The following CHAF1A variants were observed in gnomAD, a reference collection of about 807,000 sequenced individuals.
CHAF1A encodes the protein CAF-1 subunit A.
In CHAF1A, 5 loss-of-function variants were observed where a neutral mutation model predicts 93.2. That is an observed-to-expected ratio of 0.05 (90% CI 0.03 to 0.11). The LOEUF (loss-of-function observed/expected upper bound fraction) is 0.11, where lower values mean the gene tolerates loss of function less well. CHAF1A is among the 10% of genes least tolerant of loss of function. The pLI is 1.00. For missense variants in CHAF1A, 1,102 were observed against 1,259.9 expected (o/e 0.87, Z 1.90); for synonymous variants, 504 against 510.3 (o/e 0.99, Z 0.17).
chr19:4,422,716 C>T lies in CHAF1A; in HGVS notation c.1168C>T (p.Arg390Trp). Residue 390 changes from arginine (R) to tryptophan (W), a missense_variant, in exon 5 of 15, where the codon CGG becomes TGG. Physicochemically the swap from Arg to Trp is moderately radical, Grantham distance 101. This residue lies in a region of CHAF1A where 165 missense variants were observed against 243.9 expected (regional missense o/e 0.68). Transcript: ENST00000301280. This position sits in a 1 kb window ranked among gnomAD's most constrained non-coding sequence, Gnocchi z 4.6. The stretch of plus-strand genomic sequence containing the variant: ...TAAGGAAAAGGAGAGGCGGGAGAAG[C>T]GGGAGAAGGATGAGAAGGAGAAGGC... ...ELKEKERREK[R>W]EKDEKEKAEK... The T allele has an allele frequency of 1.2e-6, 2 of 1,608,930 alleles. No homozygotes were observed. The highest frequency in any genetic ancestry group is 1.7e-6 in the Non-Finnish European group (2 of 1,177,598).
In CHAF1A at chr19:4,402,771, G is replaced by A. The variant is rs1973606335; in HGVS notation, c.9G>A (p.Glu3=). The A allele has an allele frequency of 8.3e-7, 1 of 1,204,740 alleles. No homozygotes were observed. The highest frequency in any genetic ancestry group is 1.0e-6 in the Non-Finnish European group (1 of 970,418). 74.6% of individuals were successfully genotyped at this position (1,204,740 alleles called of 1,614,324 possible). ...GAGCTGCCGCCGGGGCGATGCTGGA[G>A]GAGCTGGAGTGCGGGGCGCCCGGCG... ML[E]ELECGAPGAR... Residue 3 remains glutamate, a synonymous_variant, in exon 1 of 15, where the codon GAG becomes GAA. Coordinates refer to ENST00000301280, the MANE Select transcript of CHAF1A (RefSeq NM_005483.3).
chr19:4,439,304 A>G (rs1052987361), intron 13 of CHAF1A, among the ~76,000 whole-genome samples: 4 of 151,876 alleles, frequency 2.6e-5, no homozygotes, highest in African/African-American at 9.6e-5. Context: ...AAAGACAAAA[A>G]GGCACAAATG....
In CHAF1A at chr19:4,418,032, T is replaced by C. The variant is rs149123603; in HGVS notation, c.973T>C (p.Phe325Leu). 1.9e-6 allele frequency: 3 copies of C among 1,603,118 alleles called. No individual in the cohort carries two copies. Among genetic ancestry groups the C allele is most frequent in the African/African-American group, 1.3e-5 (1 of 74,538 alleles). ...STPLRRITKKFVKGSTEKNKL... is the reference protein window; with the variant it reads ...STPLRRITKKLVKGSTEKNKL... ...CTTCTGTTTTCAGATAACTAAGAAA[T>C]TCGTCAAAGGCTCTACAGAGAAGAA... is the stretch of plus-strand genomic sequence containing the variant. Residue 325 changes from phenylalanine to leucine, a missense_variant, in exon 4 of 15, where the codon TTC becomes CTC. Around this residue, in one of 6 missense-constraint regions of CHAF1A, gnomAD observed 379 missense variants for 365.7 expected, o/e 1.04. Coordinates refer to ENST00000301280, the MANE Select transcript of CHAF1A (RefSeq NM_005483.3).
chr19:4,448,391 C>A (rs369398559), downstream of CHAF1A: 5 of 1,592,212 alleles, frequency 3.1e-6, no homozygotes, highest in South Asian at 3.4e-5. Context: ...ATGATGGAGG[C>A]GGCCACTGGG....
At chr19:4,411,980 T>C (rs893316193) in intron 3 of CHAF1A, among the ~76,000 whole-genome samples, 1 of 152,122 alleles carries the variant, frequency 6.6e-6, no homozygotes, top group Non-Finnish European at 1.5e-5. Flanking sequence ...TGGTTTGTTA[T>C]ATAGGTAAAC....
At chr19:4,430,513 CT>C (rs1359929275) in intron 10 of CHAF1A, 35 bp from the exon 11 acceptor site, 1 of 1,436,902 alleles carries the variant, frequency 7.0e-7, no homozygotes, top group Non-Finnish European at 9.8e-7. Flanking sequence ...CTCTGCTTTT[CT>C]ATCTGATGAA....
rs1326379353 is a variant in CHAF1A, at chr19:4,442,417, G to C, written c.2770+76G>C. The C allele has an allele frequency of 2.4e-6, 3 of 1,235,796 alleles. No homozygotes were observed. The East Asian group carries it at 7.6e-5, about 31-fold the overall frequency. 76.6% of individuals were successfully genotyped at this position (1,235,796 alleles called of 1,614,324 possible). A position where few individuals can be genotyped will look rare whatever the true frequency, so the allele number is the denominator to read the frequency against. On this transcript the variant is annotated intron_variant, in intron 14 of 14. Coordinates refer to ENST00000301280, the MANE Select transcript of CHAF1A (RefSeq NM_005483.3). ...GTAAACCTCAACAGAGAAGGGATGG[G>C]GCTGCCTAAGACTAGCTCCACTGTG...
intron 13 of CHAF1A, among the ~76,000 whole-genome samples, chr19:4,435,678 T>C (rs1449283450): frequency 2.0e-5 from 3 of 152,070 alleles, no homozygotes; most frequent in Non-Finnish European, 4.4e-5. Context: ...CTCCCTGAGT[T>C]TGATTTCTAA....
chr19:4,406,616 G>A (rs1015749909), intron 2 of CHAF1A, among the ~76,000 whole-genome samples: 4 of 152,010 alleles, frequency 2.6e-5, no homozygotes, highest in East Asian at 1.9e-4. Flanking sequence ...TCTATTTTTA[G>A]TAGAGATGGG....
At chr19:4,421,264 G>A (rs1973986414) in intron 4 of CHAF1A, among the ~76,000 whole-genome samples, 1 of 151,824 alleles carries the variant, frequency 6.6e-6, no homozygotes, top group Non-Finnish European at 1.5e-5. Flanking sequence ...GGTAGACTTG[G>A]GGTTTCACCT....
downstream of CHAF1A, chr19:4,446,885 A>G (rs766893069): frequency 1.2e-6 from 2 of 1,613,854 alleles, no homozygotes; most frequent in East Asian, 4.5e-5. Flanking sequence ...TGGCCTCAAA[A>G]AACTCGTGGG....
At chr19:4,447,030 C>T, downstream of CHAF1A, 2 of 1,117,222 alleles carry the variant, frequency 1.8e-6, no homozygotes, top group Non-Finnish European at 2.6e-6. Flanking sequence ...GCTGTCGACC[C>T]CTGGATGGGG....
chr19:4,429,160 G>A (rs1474304167), intron 8 of CHAF1A: 4 of 587,780 alleles, frequency 6.8e-6, no homozygotes, highest in South Asian at 2.1e-5. Flanking sequence ...CCAACACCTC[G>A]CTCTTGCAAA....
intron 7 of CHAF1A, among the ~76,000 whole-genome samples, chr19:4,426,648 A>G (rs1479821932): frequency 1.3e-5 from 2 of 150,906 alleles, no homozygotes; most frequent in Non-Finnish European, 2.9e-5. Flanking sequence ...CTAATTTTGT[A>G]TTTTTAGTAG....
intron 2 of CHAF1A, among the ~76,000 whole-genome samples, chr19:4,408,461 C>CTTGTTTTTTTTTTT: frequency 2.8e-5 from 1 of 36,020 alleles, no homozygotes; most frequent in Admixed American, 4.0e-4. Context: ...CGCACCCGGC[C>CTTGTTTTTTTTTTT]TTTTTTTTTT....
intron 13 of CHAF1A, among the ~76,000 whole-genome samples, chr19:4,435,991 T>C (rs1974276422): frequency 6.6e-6 from 1 of 151,960 alleles, no homozygotes; most frequent in Admixed American, 6.6e-5. Flanking sequence ...ATACAAAAAT[T>C]AGCTGGGCAT....
intron 10 of CHAF1A, chr19:4,430,269 C>T (rs1974157486): frequency 5.2e-6 from 2 of 384,444 alleles, no homozygotes; most frequent in Admixed American, 8.1e-5. Flanking sequence ...CCTCTGCCTC[C>T]CAGGCTCAAG....
chr19:4,410,848 C>A (rs1973784074), intron 3 of CHAF1A, among the ~76,000 whole-genome samples: 1 of 152,172 alleles, frequency 6.6e-6, no homozygotes, highest in African/African-American at 2.4e-5. Context: ...GAGACCCCAT[C>A]TGGAACCATT....
At chr19:4,450,230 A>C in the CHAF1A span, 1 of 151,656 alleles carries the variant, frequency 6.6e-6, no homozygotes, top group African/African-American at 2.4e-5. Context: ...TCAAAAAAAA[A>C]AAAAAAAAAA....
Sources: gnomAD v4.1 joint callset for allele counts (sites outside exome capture counted in the v4.1 genomes callset) on GRCh38, gnomAD v4.1.1 for gene constraint, gnomAD v4.1.1 regional missense constraint, Gnocchi (gnomAD v3.1) non-coding constraint, MANE v1.5 for transcripts, NCBI Gene and HGNC (gene_info 2026-07-23, HGNC 2026-07-21) for gene names.